Variants in AIG1 observed in about 807,000 individuals in gnomAD.
AIG1 encodes androgen induced 1.
Under a neutral mutation model 31.4 loss-of-function variants are expected in AIG1, and 23 were observed. The observed-to-expected ratio is 0.73, with a 90% CI of 0.53 to 1.04. The LOEUF (loss-of-function observed/expected upper bound fraction) is 1.04, where lower values mean the gene tolerates loss of function less well. Among genes scored for constraint, AIG1 ranks in the 50% least tolerant of loss-of-function variants. The probability of loss-of-function intolerance (pLI) is 0.00; values close to 1 mark genes in which losing one functional copy is unlikely to be tolerated. For missense variants in AIG1, 274 were observed against 295.0 expected (o/e 0.93, Z 0.52); for synonymous variants, 100 against 110.5 (o/e 0.90, Z 0.60).
intron 3 of AIG1, among the ~76,000 whole-genome samples, chr6:143,168,187 T>C (rs1241269399): frequency 2.0e-5 from 3 of 152,136 alleles, no homozygotes; most frequent in African/African-American, 7.2e-5. Flanking sequence ...TTCTAATTGG[T>C]TTTTAATATT....
At position 143,339,567 on chromosome 6, in the gene AIG1, G is replaced by A. The variant is rs923613873; in HGVS notation, c.680-72G>A. The A allele has an allele frequency of 6.0e-5, 91 of 1,519,832 alleles. No homozygotes were observed. The Middle Eastern group carries it at 8.5e-4, about 14-fold the overall frequency. 94.1% of individuals were successfully genotyped at this position (1,519,832 alleles called of 1,614,324 possible). ...ATGAGTGGATGTGTGAGTAGTGTTA[G>A]CAAGCCAGATTAAACAAACTGCTTG... On this transcript the variant is annotated intron_variant, in intron 5 of 5. Coordinates refer to ENST00000357847, the MANE Select transcript of AIG1 (RefSeq NM_016108.4).
At chr6:143,121,609 T>C (rs892439110) in intron 1 of AIG1, among the ~76,000 whole-genome samples, 9 of 152,200 alleles carry the variant, frequency 5.9e-5, no homozygotes, top group Non-Finnish European at 1.2e-4. Flanking sequence ...AATTCCAGTG[T>C]GTGTCTGGTT....
intron 4 of AIG1, among the ~76,000 whole-genome samples, chr6:143,308,872 T>C (rs1251694227): frequency 6.6e-6 from 1 of 152,200 alleles, no homozygotes. Flanking sequence ...CTTGTAGTTT[T>C]AGCCTTTATC....
At chr6:143,117,022 A>G (rs139515849) in intron 1 of AIG1, among the ~76,000 whole-genome samples, 2 of 152,174 alleles carry the variant, frequency 1.3e-5, no homozygotes, top group Admixed American at 1.3e-4. Context: ...AGCTCAGAAC[A>G]CACATTCAGT....
At chr6:143,190,569 T>C (rs901397932) in intron 3 of AIG1, 2 of 985,322 alleles carry the variant, frequency 2.0e-6, no homozygotes, top group Admixed American at 6.1e-5. Flanking sequence ...TGTATGTGAA[T>C]AAACTATGAA....
At chr6:143,151,059 T>A (rs563610096) in intron 2 of AIG1, among the ~76,000 whole-genome samples, 1 of 152,292 alleles carries the variant, frequency 6.6e-6, no homozygotes, top group East Asian at 1.9e-4. Flanking sequence ...ATGTCTATCT[T>A]TGAGTCATAT....
chr6:143,245,613 G>A (rs1461662703), intron 3 of AIG1, among the ~76,000 whole-genome samples: 1 of 152,164 alleles, frequency 6.6e-6, no homozygotes, highest in African/African-American at 2.4e-5. Context: ...AACAAGTTTG[G>A]GATGAGGGTG....
Position 143,258,157 on chromosome 6 carries a change from T to G in AIG1, c.400-25953T>G, listed in dbSNP as rs1327108118. On this transcript the variant is annotated intron_variant, in intron 3 of 5. Transcript: ENST00000357847. This position sits in a 1 kb window ranked among gnomAD's most constrained non-coding sequence, Gnocchi z 4.7. ...AAGGCCGGACATTTCTCACTAGAAT[T>G]AACCATTTCTATAAAATGCTAAAGA... 6.6e-6 allele frequency among the ~76,000 whole-genome samples: 1 copy of G among 152,218 alleles called. No individual in the cohort carries two copies. Among genetic ancestry groups the G allele is most frequent in the East Asian group, 1.9e-4 (1 of 5,198 alleles).
At chr6:143,110,518 C>T (rs1403339446) in intron 1 of AIG1, among the ~76,000 whole-genome samples, 4 of 152,152 alleles carry the variant, frequency 2.6e-5, no homozygotes, top group African/African-American at 7.2e-5. Flanking sequence ...GACTGCACAT[C>T]GTTCACTGGC....
chr6:143,091,895 A>G (rs1779338897), intron 1 of AIG1, among the ~76,000 whole-genome samples: 1 of 152,214 alleles, frequency 6.6e-6, no homozygotes, highest in African/African-American at 2.4e-5. Context: ...TCTATAAAAT[A>G]GTAAATTCCA....
chr6:143,152,301 C>T (rs1785313743), intron 2 of AIG1, among the ~76,000 whole-genome samples: 1 of 152,182 alleles, frequency 6.6e-6, no homozygotes, highest in Non-Finnish European at 1.5e-5. Flanking sequence ...CTGGATGTCT[C>T]TCCTGTGTAC....
intron 1 of AIG1, among the ~76,000 whole-genome samples, chr6:143,077,447 G>A (rs1777837078): frequency 6.6e-6 from 1 of 152,156 alleles, no homozygotes; most frequent in Admixed American, 6.5e-5. Flanking sequence ...CATTCCTGAA[G>A]GATATTTTTG....
At position 143,233,218 on chromosome 6, in the gene AIG1, C is replaced by A. The variant is rs139512295; in HGVS notation, c.400-50892C>A. ...ATGGCCATCACCTTGGGGGCACGGA[C>A]CATCAGGGTGGCTCTGCCTCGCACT... On this transcript the variant is annotated intron_variant, in intron 3 of 5. Coordinates refer to ENST00000357847, the MANE Select transcript of AIG1 (RefSeq NM_016108.4). Among the ~76,000 whole-genome samples the A allele has an allele frequency of 3.5e-4, 54 of 152,218 alleles. No homozygotes were observed. In the East Asian group the frequency reaches 9.3e-3, roughly 26 times the overall value.
At chr6:143,160,043 T>C (rs1786192745) in intron 2 of AIG1, among the ~76,000 whole-genome samples, 1 of 152,204 alleles carries the variant, frequency 6.6e-6, no homozygotes, top group African/African-American at 2.4e-5. Context: ...TACTGACTTA[T>C]CAGAATATAT....
intron 2 of AIG1, among the ~76,000 whole-genome samples, chr6:143,151,593 T>C (rs1019484744): frequency 6.6e-6 from 1 of 152,214 alleles, no homozygotes; most frequent in Non-Finnish European, 1.5e-5. Context: ...TGCTAGGAAG[T>C]CCCGAAATAT....
intron 1 of AIG1, among the ~76,000 whole-genome samples, chr6:143,066,565 G>A (rs1041996128): frequency 2.6e-5 from 4 of 151,934 alleles, no homozygotes; most frequent in Non-Finnish European, 4.4e-5. Flanking sequence ...GAGCCACCGC[G>A]CCTGGCCTGA....
chr6:143,119,250 G>A (rs1290966660), intron 1 of AIG1, among the ~76,000 whole-genome samples: 1 of 152,132 alleles, frequency 6.6e-6, no homozygotes, highest in Admixed American at 6.5e-5. Context: ...GCCTATAAAT[G>A]CTCAATTTAA....
chr6:143,249,675 T>G (rs1046676694), intron 3 of AIG1, among the ~76,000 whole-genome samples: 2 of 152,230 alleles, frequency 1.3e-5, no homozygotes, highest in African/African-American at 4.8e-5. Context: ...ACCCCTCTCC[T>G]GATAGTTTGC....
intron 3 of AIG1, among the ~76,000 whole-genome samples, chr6:143,239,370 A>G (rs1041626188): frequency 1.3e-5 from 2 of 152,138 alleles, no homozygotes; most frequent in African/African-American, 4.8e-5. Context: ...GACCCACAGA[A>G]CCCATGCTAA....
Sources: allele counts gnomAD v4.1 joint callset (sites outside exome capture counted in the v4.1 genomes callset), GRCh38; gene constraint gnomAD v4.1.1; non-coding constraint Gnocchi (gnomAD v3.1); transcripts MANE v1.5; gene names NCBI Gene and HGNC (gene_info 2026-07-23, HGNC 2026-07-21).